NDST3: variants seen among roughly 807,000 people sequenced by gnomAD.
NDST3 encodes the protein N-deacetylase and N-sulfotransferase 3.
Under a neutral mutation model 96.1 loss-of-function variants are expected in NDST3, and 58 were observed. The ratio of observed to expected loss-of-function variants is 0.60; its 90% CI spans 0.49 to 0.75. The LOEUF is 0.75. Ranked by LOEUF, NDST3 falls within the 30% of genes least tolerant of loss-of-function variation. The pLI is 0.00. For synonymous variants in NDST3, 333 were observed against 359.7 expected (o/e 0.93, Z 0.84); for missense variants, 788 against 1,034.2 (o/e 0.76, Z 3.27).
At chr4:118,237,830 T>C (rs1221159895) in intron 10 of NDST3, among the ~76,000 whole-genome samples, 2 of 152,118 alleles carry the variant, frequency 1.3e-5, no homozygotes, top group Non-Finnish European at 2.9e-5. Context: ...ATCTTTAGGC[T>C]GGGCGTGGTG....
chr4:118,106,861 C>G (rs143344694), intron 3 of NDST3, among the ~76,000 whole-genome samples: 15 of 151,950 alleles, frequency 9.9e-5, no homozygotes, highest in Admixed American at 9.2e-4. Flanking sequence ...GAGGCCGAGG[C>G]GGGTGGATCG....
At chr4:118,086,321 A>G (rs1728413845) in intron 2 of NDST3, among the ~76,000 whole-genome samples, 2 of 152,212 alleles carry the variant, frequency 1.3e-5, no homozygotes, top group African/African-American at 4.8e-5. Context: ...AACTCTAGCA[A>G]TGTAGTAAAA....
At position 118,255,814 on chromosome 4, in the gene NDST3, T is replaced by G; in HGVS notation, c.*102T>G. On this transcript the variant is annotated 3_prime_UTR_variant, in exon 14 of 14. Transcript: ENST00000296499. ...CAGTTGAAAAATATACCTCTTCAAA[T>G]GAGAAAAAAGAACAGTTTCTTCCAT... 7.7e-7 allele frequency: 1 copy of G among 1,299,084 alleles called. No individual in the cohort carries two copies. The highest frequency in any genetic ancestry group is 1.0e-6 in the Non-Finnish European group (1 of 966,322). The allele number at this position is 1,299,084 out of a possible 1,614,324, so 80.5% of individuals were successfully genotyped here.
intron 2 of NDST3, among the ~76,000 whole-genome samples, chr4:118,087,782 A>T (rs1184161999): frequency 1.3e-5 from 2 of 152,142 alleles, no homozygotes; most frequent in Non-Finnish European, 2.9e-5. Context: ...ACTTAAGGCC[A>T]GTACAGACTT....
At chr4:118,091,854 T>TA (rs1728894154) in intron 2 of NDST3, among the ~76,000 whole-genome samples, 1 of 151,780 alleles carries the variant, frequency 6.6e-6, no homozygotes. Context: ...ATCTCTACTA[T>TA]GTTTTTTCTT....
At chr4:118,166,036 C>T (rs1735526014) in intron 6 of NDST3, among the ~76,000 whole-genome samples, 1 of 150,778 alleles carries the variant, frequency 6.6e-6, no homozygotes, top group South Asian at 2.1e-4. Flanking sequence ...GCAAACTAAA[C>T]TCAAAATTAG....
intron 1 of NDST3, among the ~76,000 whole-genome samples, chr4:118,049,777 G>A (rs1724972246): frequency 1.3e-5 from 2 of 151,100 alleles, no homozygotes; most frequent in Admixed American, 6.6e-5. Context: ...TGGAGCAGAT[G>A]GATTCACAGC....
intron 2 of NDST3, among the ~76,000 whole-genome samples, chr4:118,066,172 T>TATATATA (rs1726349636): frequency 4.5e-5 from 1 of 22,462 alleles, no homozygotes; most frequent in Non-Finnish European, 1.2e-4. Flanking sequence ...TATATTATAT[T>TATATATA]TTATATATTA....
chr4:118,116,943 C>A (rs1034916457), intron 4 of NDST3, among the ~76,000 whole-genome samples: 1 of 151,920 alleles, frequency 6.6e-6, no homozygotes, highest in Non-Finnish European at 1.5e-5. Context: ...TTAGAATTCC[C>A]AACTAAAAAG....
rs768008192 is a variant in NDST3 at position 118,054,720 on chromosome 4, T to G, written c.810T>G (p.Val270=). Residue 270 remains valine, a synonymous_variant, in exon 2 of 14, where the codon GTT becomes GTG. Transcript: ENST00000296499. ...GGCTTCATGATGGAATTCAAAGGGT[T>G]CTTTTTGGCAACAACTTGAACTTTT... is the stretch of plus-strand genomic sequence containing the variant. The part of the protein sequence containing the change: ...DLGLHDGIQR[V]LFGNNLNFWL... 1.2e-6 allele frequency: 2 copies of G among 1,613,418 alleles called. No individual in the cohort carries two copies. The highest frequency in any genetic ancestry group is 1.7e-6 in the Non-Finnish European group (2 of 1,179,512).
At chr4:118,036,192 A>G (rs1724140232) in intron 1 of NDST3, among the ~76,000 whole-genome samples, 1 of 152,114 alleles carries the variant, frequency 6.6e-6, no homozygotes, top group African/African-American at 2.4e-5. Flanking sequence ...AAGAAATTAC[A>G]ATTTTTTTTC....
intron 12 of NDST3, among the ~76,000 whole-genome samples, chr4:118,243,267 C>A (rs1456630090): frequency 1.3e-5 from 2 of 152,056 alleles, no homozygotes; most frequent in African/African-American, 2.4e-5. Context: ...TACCTTTCAA[C>A]AAACTTTGCA....
At chr4:118,039,537 T>G (rs892372044) in intron 1 of NDST3, among the ~76,000 whole-genome samples, 4 of 152,160 alleles carry the variant, frequency 2.6e-5, no homozygotes, top group African/African-American at 9.7e-5. Context: ...AAAAATTGCA[T>G]AACTAATTAT....
At chr4:118,196,290 A>T (rs1737680144) in intron 6 of NDST3, among the ~76,000 whole-genome samples, 1 of 152,218 alleles carries the variant, frequency 6.6e-6, no homozygotes, top group South Asian at 2.1e-4. Flanking sequence ...CATCAGAGAT[A>T]CTGGCCTGTA....
chr4:118,133,622 C>T (rs1207746971), intron 4 of NDST3, among the ~76,000 whole-genome samples: 1 of 152,152 alleles, frequency 6.6e-6, no homozygotes, highest in Non-Finnish European at 1.5e-5. Flanking sequence ...GCAGGGGGTA[C>T]AAATGGTATA....
At chr4:118,203,063 G>A (rs1318261047) in intron 6 of NDST3, among the ~76,000 whole-genome samples, 3 of 152,148 alleles carry the variant, frequency 2.0e-5, no homozygotes, top group East Asian at 3.8e-4. Flanking sequence ...TGCATCTATT[G>A]AGAAGATAAT....
At position 118,106,217 on chromosome 4, in the gene NDST3, C is replaced by A. The variant is rs1268733741; in HGVS notation, c.1069+1112C>A. Among the ~76,000 whole-genome samples, 6 of 152,258 alleles carry A rather than the reference C, an allele frequency of 3.9e-5. No individual in the cohort carries two copies. In the East Asian group the frequency reaches 1.2e-3, roughly 29 times the overall value. Reference sequence around the variant, plus strand: ...ACTTTCTCCTGCTGTCTGGCTGTCTCTTAATTTTCCTTATGGCGTTTTTAA... The same window carrying A: ...ACTTTCTCCTGCTGTCTGGCTGTCTATTAATTTTCCTTATGGCGTTTTTAA... On this transcript the variant is annotated intron_variant, in intron 3 of 13. Transcript: ENST00000296499.
intron 10 of NDST3, among the ~76,000 whole-genome samples, chr4:118,238,831 C>G (rs1371772348): frequency 6.6e-6 from 1 of 152,194 alleles, no homozygotes; most frequent in Non-Finnish European, 1.5e-5. Context: ...GAAAGGCTGT[C>G]GCAGAGAAGC....
At chr4:118,096,899 C>T (rs1334004922) in intron 2 of NDST3, among the ~76,000 whole-genome samples, 5 of 151,880 alleles carry the variant, frequency 3.3e-5, no homozygotes, top group African/African-American at 1.2e-4. Context: ...AGGTTCGATA[C>T]TCAAGAGTCA....
Sources: gnomAD v4.1 joint callset for allele counts (sites outside exome capture counted in the v4.1 genomes callset) on GRCh38, gnomAD v4.1.1 for gene constraint, MANE v1.5 for transcripts, NCBI Gene and HGNC (gene_info 2026-07-23, HGNC 2026-07-21) for gene names.